Variants in EYS observed in about 807,000 individuals in gnomAD.
The protein encoded by EYS is EGF-like photoreceptor maintenance factor.
In EYS, 250 loss-of-function variants were observed where a neutral mutation model predicts 282.1. The ratio of observed to expected loss-of-function variants is 0.89; its 90% CI spans 0.80 to 0.98. EYS has a LOEUF of 0.98. EYS is among the 50% of genes least tolerant of loss of function. EYS has a pLI of 0.00. For missense variants in EYS, 4,016 were observed against 3,709.0 expected (o/e 1.08, Z -2.15); for synonymous variants, 1,355 against 1,282.9 (o/e 1.06, Z -1.20).
chr6:65,649,607 C>A (rs998306377), intron 1 of EYS, among the ~76,000 whole-genome samples: 1 of 152,168 alleles, frequency 6.6e-6, no homozygotes, highest in Non-Finnish European at 1.5e-5. Context: ...CAAAATAGAA[C>A]TCCATTTGTA....
intron 3 of EYS, 68 bp from the exon 4 acceptor site, chr6:65,495,675 G>A: frequency 1.9e-6 from 1 of 520,514 alleles, no homozygotes; most frequent in Non-Finnish European, 3.4e-6. Context: ...GAAAATGCTA[G>A]CTCTTTTTGT....
At chr6:65,467,504 A>AAT (rs1765046219) in intron 5 of EYS, among the ~76,000 whole-genome samples, 1 of 150,548 alleles carries the variant, frequency 6.6e-6, no homozygotes, top group Admixed American at 6.6e-5. Flanking sequence ...TGACTATTTA[A>AAT]ACACACACAC....
At chr6:64,905,642 C>T (rs574944045) in intron 16 of EYS, among the ~76,000 whole-genome samples, 3 of 152,144 alleles carry the variant, frequency 2.0e-5, no homozygotes, top group Non-Finnish European at 4.4e-5. Context: ...CTGCATCAGT[C>T]TGGATTGTAG....
intron 31 of EYS, among the ~76,000 whole-genome samples, chr6:64,179,258 G>A (rs1764723467): frequency 6.6e-6 from 1 of 151,906 alleles, no homozygotes; most frequent in Non-Finnish European, 1.5e-5. Flanking sequence ...GTACTTGCAG[G>A]CTTCTTCAAT....
chr6:65,440,509 A>T (rs1031612386), intron 5 of EYS, among the ~76,000 whole-genome samples: 1 of 151,884 alleles, frequency 6.6e-6, no homozygotes, highest in African/African-American at 2.4e-5. Context: ...CAAGAAAAAA[A>T]TCCCAGAGAA....
At chr6:64,776,931 T>A (rs1773697336) in intron 22 of EYS, among the ~76,000 whole-genome samples, 1 of 152,124 alleles carries the variant, frequency 6.6e-6, no homozygotes, top group South Asian at 2.1e-4. Flanking sequence ...AGGAAATTTA[T>A]AAAGGAAAGA....
chr6:65,657,196 A>G (rs1767857806), intron 1 of EYS, among the ~76,000 whole-genome samples: 1 of 151,992 alleles, frequency 6.6e-6, no homozygotes, highest in East Asian at 1.9e-4. Flanking sequence ...ACAGAGGTAT[A>G]CAATGGAGAA....
chr6:65,017,983 A>G (rs752754289), intron 13 of EYS, among the ~76,000 whole-genome samples: 2 of 152,174 alleles, frequency 1.3e-5, no homozygotes, highest in African/African-American at 2.4e-5. Flanking sequence ...TCTTCATGGT[A>G]TGGAGCCAAT....
At chr6:64,882,744 C>A (rs1192811672) in intron 19 of EYS, among the ~76,000 whole-genome samples, 1 of 151,476 alleles carries the variant, frequency 6.6e-6, no homozygotes, top group African/African-American at 2.4e-5. Flanking sequence ...AATTAATTAT[C>A]TTTATATTCT....
Position 64,708,419 on chromosome 6 carries a change from C to A in EYS, c.3444-82174G>T, listed in dbSNP as rs184976033. Among the ~76,000 whole-genome samples, 414 of 152,192 alleles carry A rather than the reference C, an allele frequency of 2.7e-3. 4 individuals carry two copies. Among genetic ancestry groups the A allele is most frequent in the East Asian group, 1.2e-3 (6 of 5,172 alleles). ...TTTGCTTTCAGTTCCAAATTTAATC[C>A]TTTTACTCCCAATTCCAAATTCCTG... On this transcript the variant is annotated intron_variant, in intron 22 of 42. Coordinates refer to ENST00000503581, the MANE Select transcript of EYS (RefSeq NM_001142800.2).
intron 5 of EYS, among the ~76,000 whole-genome samples, chr6:65,407,475 C>G (rs907010125): frequency 9.9e-5 from 15 of 152,006 alleles, no homozygotes; most frequent in South Asian, 2.1e-4. Context: ...AGGCTGGTCT[C>G]GAACTCCTGA....
At chr6:64,157,009 G>T (rs1375097423) in intron 31 of EYS, among the ~76,000 whole-genome samples, 1 of 151,204 alleles carries the variant, frequency 6.6e-6, no homozygotes, top group Non-Finnish European at 1.5e-5. Flanking sequence ...TCGTCATCTA[G>T]CATTAGGTAT....
chr6:64,351,064 CTCT>C (rs1443684810), intron 29 of EYS, among the ~76,000 whole-genome samples: 7 of 76,348 alleles, frequency 9.2e-5, no homozygotes, highest in Non-Finnish European at 1.7e-4. Context: ...TCAATGAAAC[CTCT>C]TTTTTTTTTT....
intron 26 of EYS, among the ~76,000 whole-genome samples, chr6:64,558,572 G>A (rs1038234808): frequency 1.3e-5 from 2 of 152,044 alleles, no homozygotes; most frequent in Admixed American, 6.6e-5. Flanking sequence ...AAACTAATTA[G>A]ATTTCAAGAT....
At chr6:64,983,051 T>G (rs940022675) in intron 14 of EYS, among the ~76,000 whole-genome samples, 1 of 151,212 alleles carries the variant, frequency 6.6e-6, no homozygotes, top group Non-Finnish European at 1.5e-5. Flanking sequence ...GTTCTTATTT[T>G]ATAACATTAT....
intron 22 of EYS, among the ~76,000 whole-genome samples, chr6:64,752,662 G>A (rs1495526): frequency 0.037 from 5,697 of 152,064 alleles, 246 homozygotes; most frequent in East Asian, 0.14. Context: ...AGAACTCCAG[G>A]AAGATACATT....
intron 19 of EYS, among the ~76,000 whole-genome samples, chr6:64,883,835 G>A (rs62417104): frequency 0.21 from 23,360 of 113,314 alleles, 2,126 homozygotes; most frequent in East Asian, 0.53. Context: ...CTACCACTAC[G>A]TGTGTAAATT....
chr6:65,493,696 C>T (rs993095232), intron 4 of EYS, among the ~76,000 whole-genome samples: 4 of 152,020 alleles, frequency 2.6e-5, no homozygotes, highest in African/African-American at 9.7e-5. Flanking sequence ...TTTAGATTGC[C>T]TTTCCTCTGG....
intron 35 of EYS, among the ~76,000 whole-genome samples, chr6:63,963,581 G>GTC (rs1582041410): frequency 6.6e-6 from 1 of 152,164 alleles, no homozygotes; most frequent in East Asian, 1.9e-4. Flanking sequence ...GCATTCCTGG[G>GTC]TCTGGGCGAG....
Sources: allele counts gnomAD v4.1 joint callset (sites outside exome capture counted in the v4.1 genomes callset), GRCh38; gene constraint gnomAD v4.1.1; transcripts MANE v1.5; gene names NCBI Gene and HGNC (gene_info 2026-07-23, HGNC 2026-07-21).